PPM1B: variants seen among roughly 807,000 people sequenced by gnomAD.
PPM1B encodes the protein protein phosphatase, Mg2+/Mn2+ dependent 1B.
In PPM1B, 22 loss-of-function variants were observed where a neutral mutation model predicts 43.0. The ratio of observed to expected loss-of-function variants is 0.51; its 90% CI spans 0.37 to 0.73. The LOEUF (loss-of-function observed/expected upper bound fraction) is 0.73, where lower values mean the gene tolerates loss of function less well. Among genes scored for constraint, PPM1B ranks in the 30% least tolerant of loss-of-function variants. The pLI, the probability that PPM1B is intolerant of heterozygous loss-of-function variation, is 0.00. For missense variants in PPM1B, 632 were observed against 584.2 expected, an observed-to-expected ratio of 1.08 and a Z score of -0.84; for synonymous variants, 217 against 197.9, an observed-to-expected ratio of 1.10 and a Z score of -0.81.
At chr2:44,232,320 C>T, downstream of PPM1B, 1 of 1,605,416 alleles carries the variant, frequency 6.2e-7, no homozygotes, top group Non-Finnish European at 8.5e-7. Flanking sequence ...CTGTAGGGTG[C>T]TGGAGATCTA....
intron 2 of PPM1B, 144 bp downstream of exon 2, chr2:44,202,189 A>G (rs1361658026): frequency 2.4e-6 from 2 of 845,774 alleles, no homozygotes; most frequent in East Asian, 3.0e-5. Context: ...AAATGAAACC[A>G]TTGTTTTCTT....
At chr2:44,221,079 T>C (rs1164474696) in intron 5 of PPM1B, among the ~76,000 whole-genome samples, 1 of 152,212 alleles carries the variant, frequency 6.6e-6, no homozygotes, top group Non-Finnish European at 1.5e-5. Context: ...TTCAAAAAAA[T>C]ATCTGTGGTA....
intron 1 of PPM1B, among the ~76,000 whole-genome samples, chr2:44,174,286 A>G (rs1354581678): frequency 1.3e-5 from 2 of 152,254 alleles, no homozygotes; most frequent in Non-Finnish European, 2.9e-5. Flanking sequence ...TTGTGAACAA[A>G]AGAAGATCCA....
chr2:44,244,882 G>GTA (rs1157209822), downstream of PPM1B, among the ~76,000 whole-genome samples: 3 of 147,122 alleles, frequency 2.0e-5, no homozygotes, highest in Non-Finnish European at 3.0e-5. Flanking sequence ...GTATCTATGT[G>GTA]TATATATATA....
chr2:44,239,510 T>C (rs1670700703), downstream of PPM1B, among the ~76,000 whole-genome samples: 1 of 152,174 alleles, frequency 6.6e-6, no homozygotes, highest in Non-Finnish European at 1.5e-5. Context: ...TAGGAAATCA[T>C]CCTCATCCCA....
intron 4 of PPM1B, 129 bp from the exon 5 acceptor site, chr2:44,218,337 AGTAAAGTGTAGAAG>A: frequency 1.4e-6 from 1 of 702,968 alleles, no homozygotes; most frequent in Non-Finnish European, 2.4e-6. Flanking sequence ...AGATTCTGAG[AGTAAAGTGTAGAAG>A]GTATGTTCTT....
intron 5 of PPM1B, among the ~76,000 whole-genome samples, chr2:44,243,684 G>A (rs1429277391): frequency 6.6e-6 from 1 of 151,964 alleles, no homozygotes; most frequent in East Asian, 1.9e-4. Context: ...ATTTTTATAA[G>A]CATTCTATTT....
At chr2:44,202,604 C>CTATG (rs3835790) in intron 2 of PPM1B, among the ~76,000 whole-genome samples, 38,174 of 151,934 alleles carry the variant, frequency 0.25, 5,828 homozygotes, top group African/African-American at 0.44. Context: ...ATGTGGCTCT[C>CTATG]TAAGTAATAC....
intron 2 of PPM1B, among the ~76,000 whole-genome samples, chr2:44,205,443 C>G (rs1389733072): frequency 1.4e-5 from 2 of 146,988 alleles, no homozygotes; most frequent in East Asian, 2.0e-4. Flanking sequence ...AACATTAAGA[C>G]TAAATTTTTT....
chr2:44,212,578 T>C (rs1669523588), intron 3 of PPM1B, among the ~76,000 whole-genome samples: 1 of 152,214 alleles, frequency 6.6e-6, no homozygotes. Context: ...ATCTTTAACA[T>C]AATTGCTGAT....
intron 5 of PPM1B, among the ~76,000 whole-genome samples, chr2:44,224,446 C>T (rs530587357): frequency 2.6e-5 from 3 of 115,730 alleles, no homozygotes; most frequent in African/African-American, 7.0e-5. Flanking sequence ...CAGAGCAAGA[C>T]TCCGTCTCCA....
chr2:44,194,909 T>C (rs570694012), intron 1 of PPM1B, among the ~76,000 whole-genome samples: 2 of 150,848 alleles, frequency 1.3e-5, no homozygotes, highest in East Asian at 1.9e-4. Flanking sequence ...TTTTTTTTTT[T>C]TTTTTTTGAG....
intron 1 of PPM1B, among the ~76,000 whole-genome samples, chr2:44,198,147 G>A (rs1490800697): frequency 6.6e-6 from 1 of 152,028 alleles, no homozygotes; most frequent in East Asian, 1.9e-4. Flanking sequence ...GTCTTTTCTT[G>A]AAGTTTTATG....
At chr2:44,227,292 G>A (rs1670262233) in intron 5 of PPM1B, among the ~76,000 whole-genome samples, 1 of 151,952 alleles carries the variant, frequency 6.6e-6, no homozygotes, top group Non-Finnish European at 1.5e-5. Context: ...TTTATTTAGG[G>A]AAACATGTTT....
intron 5 of PPM1B, among the ~76,000 whole-genome samples, chr2:44,221,513 C>G (rs183156114): frequency 1.3e-5 from 2 of 151,828 alleles, no homozygotes; most frequent in Non-Finnish European, 2.9e-5. Flanking sequence ...TGTTAACTTG[C>G]GGGGTGGGAA....
intron 1 of PPM1B, among the ~76,000 whole-genome samples, chr2:44,197,833 T>C (rs996507470): frequency 2.0e-5 from 3 of 152,166 alleles, no homozygotes; most frequent in Admixed American, 6.6e-5. Context: ...TTAAATGATA[T>C]AGTGTATATC....
At chr2:44,232,938 T>G (rs369002240), downstream of PPM1B, 22 of 978,734 alleles carry the variant, frequency 2.2e-5, no homozygotes, top group South Asian at 9.9e-4. Flanking sequence ...TTGCCTTGCT[T>G]CAAGATAAAG....
At chr2:44,244,818 G>GATAT (rs1488304340), downstream of PPM1B, among the ~76,000 whole-genome samples, 2 of 97,242 alleles carry the variant, frequency 2.1e-5, no homozygotes, top group African/African-American at 9.4e-5. Flanking sequence ...ATAATTACTT[G>GATAT]AGATATATAT....
At chr2:44,227,723 T>A (rs1686543413) in intron 5 of PPM1B, among the ~76,000 whole-genome samples, 1 of 151,598 alleles carries the variant, frequency 6.6e-6, no homozygotes, top group Non-Finnish European at 1.5e-5. Context: ...TTTCACCATG[T>A]TGGTCAGGCT....
Sources: allele counts gnomAD v4.1 joint callset (sites outside exome capture counted in the v4.1 genomes callset), GRCh38; gene constraint gnomAD v4.1.1; transcripts MANE v1.5; gene names NCBI Gene and HGNC (gene_info 2026-07-23, HGNC 2026-07-21).